Variants in AGGF1 observed in about 807,000 individuals in gnomAD.
AGGF1 encodes angiogenic factor with G patch and FHA domains 1.
A neutral mutation model predicts 86.5 loss-of-function variants in AGGF1; 56 were observed. The ratio of observed to expected loss-of-function variants is 0.65; its 90% CI spans 0.52 to 0.81. The LOEUF (loss-of-function observed/expected upper bound fraction) is 0.81. Among genes scored for constraint, AGGF1 ranks in the 30% least tolerant of loss-of-function variants. The pLI is 0.00. For synonymous variants in AGGF1, 313 were observed against 297.1 expected, an observed-to-expected ratio of 1.05 and a Z score of -0.55; for missense variants, 816 against 850.9, an observed-to-expected ratio of 0.96 and a Z score of 0.51.
At chr5:77,047,817 C>CTTT (rs771004923) in intron 6 of AGGF1, among the ~76,000 whole-genome samples, 1 of 123,644 alleles carries the variant, frequency 8.1e-6, no homozygotes, top group Admixed American at 8.4e-5. Context: ...TGTGCCTGGC[C>CTTT]TTTTTTTTTT....
chr5:77,057,025 C>CTTT (rs1182889677), intron 11 of AGGF1, among the ~76,000 whole-genome samples: 1 of 152,166 alleles, frequency 6.6e-6, no homozygotes, highest in Non-Finnish European at 1.5e-5. Flanking sequence ...TATTATCAGT[C>CTTT]TTTAAGGAAA....
In AGGF1 at chr5:77,030,568, G is replaced by C. The variant is rs995953614; in HGVS notation, c.-199G>C. The C allele has an allele frequency of 4.3e-5, 31 of 719,258 alleles. No individual in the cohort carries two copies. The highest frequency in any genetic ancestry group is 4.6e-4 in the Middle Eastern group (2 of 4,386). 44.6% of individuals were successfully genotyped at this position (719,258 alleles called of 1,614,324 possible). On this transcript the variant is annotated 5_prime_UTR_variant, in exon 1 of 14. Transcript: ENST00000312916. ...CGCACATCGGGCAGGGGCCATCCTCGGTCCCCTTGCTCGTTGCTCGCAGCC... is the reference window on the plus strand; with the variant it reads ...CGCACATCGGGCAGGGGCCATCCTCCGTCCCCTTGCTCGTTGCTCGCAGCC...
rs989101202 is a variant in AGGF1, at chr5:77,042,827, C to T, written c.870+3108C>T. On this transcript the variant is annotated intron_variant, in intron 5 of 13. Transcript: ENST00000312916. ...GGGCGGGGGCTGACCCCCCCACCTC[C>T]CTCCCGGGCGGGGCGGCTGGCCGGG... is the stretch of plus-strand genomic sequence containing the variant. 2.4e-4 allele frequency among the ~76,000 whole-genome samples: 16 copies of T among 67,634 alleles called. 1 individual carries two copies. Among genetic ancestry groups the T allele is most frequent in the East Asian group, 2.3e-3 (5 of 2,172 alleles). The allele number at this position is 67,634 out of a possible 152,430, so 44.4% of individuals were successfully genotyped here. A position where few individuals can be genotyped will look rare whatever the true frequency, so the allele number is the denominator to read the frequency against.
chr5:77,036,475 T>C, intron 3 of AGGF1, 81 bp from the exon 4 acceptor site: 1 of 1,394,826 alleles, frequency 7.2e-7, no homozygotes, highest in African/African-American at 1.4e-5. Flanking sequence ...TTAAACATAG[T>C]CTCAGGTCTT....
chr5:77,042,584 T>A (rs1239576032), intron 5 of AGGF1, among the ~76,000 whole-genome samples: 1 of 42,684 alleles, frequency 2.3e-5, no homozygotes, highest in African/African-American at 8.2e-5. Flanking sequence ...GCGGGGGGGC[T>A]GACCCCCCCC....
Position 77,055,526 on chromosome 5 carries a change from T to C in AGGF1, c.1646T>C (p.Leu549Pro), listed in dbSNP as rs1441761870. 1 of 1,602,736 alleles carries C rather than the reference T, an allele frequency of 6.2e-7. No individual in the cohort carries two copies. Among genetic ancestry groups the C allele is most frequent in the African/African-American group, 1.3e-5 (1 of 74,758 alleles). ...KKDESFVGPT[L>P]SKEEKELERR... ...TTTTTTCTTTCAGTTGGTCCAACAC[T>C]AAGTAAGGAGGAAAAAGAGTTGGAA... Residue 549 changes from leucine to proline, a missense_variant, in exon 11 of 14, where the codon CTA (leucine) becomes CCA (proline). Around this residue, in one of 3 missense-constraint regions of AGGF1, gnomAD observed 565 missense variants for 585.8 expected, o/e 0.96. Coordinates refer to ENST00000312916, the MANE Select transcript of AGGF1 (RefSeq NM_018046.5).
At chr5:77,062,901 ATATT>A in intron 13 of AGGF1, 147 bp from the exon 14 acceptor site, 1 of 767,730 alleles carries the variant, frequency 1.3e-6, no homozygotes, top group Non-Finnish European at 2.3e-6. Flanking sequence ...AAAGGTATAT[ATATT>A]CCTGTATGTA....
At chr5:77,055,000 A>C (rs891438916) in intron 10 of AGGF1, among the ~76,000 whole-genome samples, 1 of 152,164 alleles carries the variant, frequency 6.6e-6, no homozygotes, top group African/African-American at 2.4e-5. Flanking sequence ...AAGCTCTTAA[A>C]ATTTAAATAG....
intron 6 of AGGF1, among the ~76,000 whole-genome samples, chr5:77,047,455 T>C (rs1327318627): frequency 6.6e-6 from 1 of 152,216 alleles, no homozygotes; most frequent in African/African-American, 2.4e-5. Flanking sequence ...CCCCCACAGA[T>C]ACCGAGGGCC....
At chr5:77,055,122 A>G (rs1378431923) in intron 10 of AGGF1, among the ~76,000 whole-genome samples, 3 of 152,192 alleles carry the variant, frequency 2.0e-5, no homozygotes, top group East Asian at 1.9e-4. Flanking sequence ...TTGAAAATGA[A>G]TATGTTGCAT....
chr5:77,053,963 A>T lies in AGGF1; in HGVS notation c.1468-2A>T. ...CTGTTTTGTAAAATGTTTCCCCTCT[A>T]GCCGAAAACTAAATGTGACCCTTAC... On this transcript the variant is annotated splice_acceptor_variant, in intron 9 of 13. Coordinates refer to ENST00000312916, the MANE Select transcript of AGGF1 (RefSeq NM_018046.5). LOFTEE classifies it high-confidence loss of function. 6.2e-7 allele frequency: 1 copy of T among 1,614,026 alleles called. No homozygotes were observed. Among genetic ancestry groups the T allele is most frequent in the Non-Finnish European group, 8.5e-7 (1 of 1,179,994 alleles).
chr5:77,054,685 T>G lies in AGGF1; in HGVS notation c.1633+555T>G, dbSNP rs540293782. 7.9e-4 allele frequency among the ~76,000 whole-genome samples: 120 copies of G among 152,328 alleles called. 1 individual carries two copies. Among genetic ancestry groups the G allele is most frequent in the Middle Eastern group, 3.4e-3 (1 of 294 alleles). The stretch of plus-strand genomic sequence containing the variant: ...TGTATACCTACATCAAAAATCATGT[T>G]GTATACCATATATACAATTTTTATC... On this transcript the variant is annotated intron_variant, in intron 10 of 13. Coordinates refer to ENST00000312916, the MANE Select transcript of AGGF1 (RefSeq NM_018046.5).
At chr5:77,050,910 CATTT>C (rs1393786695) in intron 8 of AGGF1, among the ~76,000 whole-genome samples, 1 of 152,208 alleles carries the variant, frequency 6.6e-6, no homozygotes, top group Admixed American at 6.5e-5. Context: ...TATGAAAAAC[CATTT>C]AGTCTTTCTA....
rs1284527213 is a variant in AGGF1 at position 77,046,678 on chromosome 5, G to A, written c.1201+1G>A. On this transcript the variant is annotated splice_donor_variant, in intron 6 of 13. Transcript: ENST00000312916. LOFTEE classifies it high-confidence loss of function. ...ACTGCAGAAGATAGTGAGGATGAAG[G>A]TGAGTAAATAATCATTATTTAAGTA... The A allele has an allele frequency of 1.2e-6, 2 of 1,613,148 alleles. No homozygotes were observed. The highest frequency in any genetic ancestry group is 1.3e-5 in the African/African-American group (1 of 74,914).
rs749396578 is a variant in AGGF1 at position 77,063,057 on chromosome 5, G to C, written c.1950G>C (p.Gln650His). Reference sequence around the variant, plus strand: ...TGCTCAACTTTTGGTAACAGATCCAGCTTCAGCTTCGGCGAACACATGCAG... The same window carrying C: ...TGCTCAACTTTTGGTAACAGATCCACCTTCAGCTTCGGCGAACACATGCAG... ...KDGGGMKTPI[Q>H]LQLRRTHAGL... Residue 650 changes from glutamine to histidine, a missense_variant, in exon 14 of 14, where the codon CAG (glutamine) becomes CAC (histidine). By Grantham distance (24) the Gln-to-His change is conservative. This residue lies in a region of AGGF1 where 565 missense variants were observed against 585.8 expected (regional missense o/e 0.96). Transcript: ENST00000312916. The C allele has an allele frequency of 6.2e-7, 1 of 1,614,020 alleles. No homozygotes were observed. The highest frequency in any genetic ancestry group is 2.2e-5 in the East Asian group (1 of 44,884).
At chr5:77,042,793 C>A (rs1225126019) in intron 5 of AGGF1, among the ~76,000 whole-genome samples, 1 of 48,772 alleles carries the variant, frequency 2.1e-5, no homozygotes, top group Non-Finnish European at 5.1e-5. Context: ...CCGGACGGGG[C>A]GGCTGGCCGG....
intron 1 of AGGF1, among the ~76,000 whole-genome samples, chr5:77,032,085 C>T (rs999609528): frequency 1.3e-5 from 2 of 152,024 alleles, no homozygotes; most frequent in African/African-American, 2.4e-5. Flanking sequence ...CGTCATCAGA[C>T]TTCTTTGTTT....
At chr5:77,061,630 A>G (rs960712949) in intron 12 of AGGF1, 73 bp from the exon 13 acceptor site, 2 of 1,451,968 alleles carry the variant, frequency 1.4e-6, no homozygotes, top group African/African-American at 1.4e-5. Context: ...ATTACTTTTA[A>G]TTCATGAATT....
chr5:77,048,751 A>G (rs955640914), intron 7 of AGGF1, among the ~76,000 whole-genome samples, 185 bp from the exon 8 acceptor site: 2 of 152,236 alleles, frequency 1.3e-5, no homozygotes, highest in African/African-American at 4.8e-5. Context: ...GACATGAGTA[A>G]ATAATCACTG....
Sources: gnomAD v4.1 joint callset for allele counts (sites outside exome capture counted in the v4.1 genomes callset) on GRCh38, gnomAD v4.1.1 for gene constraint, gnomAD v4.1.1 regional missense constraint, MANE v1.5 for transcripts, NCBI Gene and HGNC (gene_info 2026-07-23, HGNC 2026-07-21) for gene names.